The following FGGY variants were observed in gnomAD, a reference collection of about 807,000 sequenced individuals.
The protein encoded by FGGY is FGGY carbohydrate kinase domain containing.
FGGY carries 72 observed loss-of-function variants against 71.3 expected under a neutral mutation model. The ratio of observed to expected loss-of-function variants is 1.01; its 90% confidence interval spans 0.84 to 1.23. FGGY has a LOEUF of 1.23. Among genes scored for constraint, FGGY ranks in the 50% most tolerant of loss-of-function variants. The pLI, the probability that FGGY is intolerant of heterozygous loss-of-function variation, is 0.00. For missense variants in FGGY, 668 were observed against 682.3 expected, an observed-to-expected ratio of 0.98 and a Z score of 0.23; for synonymous variants, 251 against 250.3, an observed-to-expected ratio of 1.00 and a Z score of -0.02.
intron 7 of FGGY, among the ~76,000 whole-genome samples, chr1:59,516,027 AT>A (rs1469700329): frequency 6.6e-6 from 1 of 152,222 alleles, no homozygotes; most frequent in East Asian, 1.9e-4. Flanking sequence ...GTGATAGTCC[AT>A]GATGACGGGT....
At chr1:59,494,256 G>A (rs147361740) in intron 6 of FGGY, among the ~76,000 whole-genome samples, 24 of 152,300 alleles carry the variant, frequency 1.6e-4, no homozygotes, top group African/African-American at 5.5e-4. Flanking sequence ...TGTTATGATG[G>A]AAATAAAGTG....
chr1:59,568,996 A>G (rs190979687), intron 8 of FGGY, among the ~76,000 whole-genome samples: 182 of 152,332 alleles, frequency 1.2e-3, no homozygotes, highest in African/African-American at 4.2e-3. Flanking sequence ...TACTCAGAAA[A>G]AAAAAGGCTG....
At chr1:59,671,745 G>A (rs1440791928) in intron 13 of FGGY, among the ~76,000 whole-genome samples, 10 of 152,296 alleles carry the variant, frequency 6.6e-5, no homozygotes, top group South Asian at 6.2e-4. Context: ...AACTCTATGA[G>A]ATAGGCGGAA....
chr1:59,487,688 G>T (rs2093695940), intron 6 of FGGY, among the ~76,000 whole-genome samples: 1 of 152,078 alleles, frequency 6.6e-6, no homozygotes, highest in African/African-American at 2.4e-5. Flanking sequence ...TGAAACTGAT[G>T]ATTATCCAGA....
chr1:59,540,939 C>T (rs1192709135), intron 7 of FGGY, among the ~76,000 whole-genome samples: 3 of 152,132 alleles, frequency 2.0e-5, no homozygotes, highest in East Asian at 1.9e-4. Flanking sequence ...TCTACTCCCA[C>T]CTTGCTATAC....
At chr1:59,398,779 G>A (rs989285813) in intron 5 of FGGY, among the ~76,000 whole-genome samples, 1 of 152,126 alleles carries the variant, frequency 6.6e-6, no homozygotes, top group East Asian at 1.9e-4. Flanking sequence ...TGATTAAATT[G>A]TAAAATTCCT....
intron 2 of FGGY, among the ~76,000 whole-genome samples, chr1:59,338,670 T>A (rs2050075875): frequency 6.6e-6 from 1 of 152,128 alleles, no homozygotes. Context: ...CCTCTCTACC[T>A]CTTTTTAAAA....
chr1:59,612,277 A>G (rs2096692819), intron 9 of FGGY, among the ~76,000 whole-genome samples: 1 of 152,266 alleles, frequency 6.6e-6, no homozygotes, highest in Non-Finnish European at 1.5e-5. Flanking sequence ...AAGGAAGCCC[A>G]TCAGACTAAC....
At chr1:59,302,157 T>C (rs2042857438) in intron 1 of FGGY, among the ~76,000 whole-genome samples, 1 of 152,214 alleles carries the variant, frequency 6.6e-6, no homozygotes, top group Admixed American at 6.5e-5. Flanking sequence ...TATTATCCTT[T>C]TTTTATATTG....
At chr1:59,707,674 A>G (rs959071022) in intron 14 of FGGY, among the ~76,000 whole-genome samples, 1 of 152,224 alleles carries the variant, frequency 6.6e-6, no homozygotes, top group African/African-American at 2.4e-5. Flanking sequence ...AACACCATGC[A>G]TGAAAATGGC....
In FGGY at chr1:59,363,331, T is replaced by C. The variant is rs539964021; in HGVS notation, c.466-15418T>C. Among the ~76,000 whole-genome samples, 61 of 152,332 alleles carry C rather than the reference T, an allele frequency of 4.0e-4. 3 individuals are homozygous for C. The South Asian group carries it at 0.013, about 32-fold the overall frequency. On this transcript the variant is annotated intron_variant, in intron 4 of 15. Coordinates refer to ENST00000303721, the MANE Select transcript of FGGY (RefSeq NM_018291.5). ...CTACTCTTTCCTGAAGAGGGAAGGA[T>C]GTAGTGAAAGTGACATTCTAAGTAA...
At chr1:59,662,891 T>C (rs1449300658) in intron 12 of FGGY, among the ~76,000 whole-genome samples, 1 of 152,206 alleles carries the variant, frequency 6.6e-6, no homozygotes, top group African/African-American at 2.4e-5. Context: ...TTTGACTGTA[T>C]TGAGGAACTT....
At chr1:59,721,794 A>C (rs943136795) in intron 14 of FGGY, among the ~76,000 whole-genome samples, 2 of 152,196 alleles carry the variant, frequency 1.3e-5, no homozygotes, top group East Asian at 3.8e-4. Flanking sequence ...TGTATTTTTA[A>C]ACAGAGTGAA....
chr1:59,706,115 A>G (rs966017454), intron 14 of FGGY, among the ~76,000 whole-genome samples: 7 of 152,170 alleles, frequency 4.6e-5, no homozygotes, highest in African/African-American at 1.7e-4. Flanking sequence ...TTCTTCAAGC[A>G]TTGTGGATCG....
chr1:59,395,557 G>A (rs1042968546), intron 5 of FGGY, among the ~76,000 whole-genome samples: 2 of 152,094 alleles, frequency 1.3e-5, no homozygotes, highest in African/African-American at 4.8e-5. Flanking sequence ...CTATCCCCAA[G>A]TCCTAATACA....
At chr1:59,513,290 T>G (rs1251552398) in intron 7 of FGGY, among the ~76,000 whole-genome samples, 1 of 152,232 alleles carries the variant, frequency 6.6e-6, no homozygotes, top group Non-Finnish European at 1.5e-5. Context: ...TAGAACAAAG[T>G]GGAAAACATC....
chr1:59,462,714 T>C (rs1270540682), intron 6 of FGGY, among the ~76,000 whole-genome samples: 1 of 152,168 alleles, frequency 6.6e-6, no homozygotes, highest in Non-Finnish European at 1.5e-5. Flanking sequence ...AAAATGCTCA[T>C]CATCACTTGC....
At chr1:59,359,799 G>A (rs1002830526) in intron 4 of FGGY, among the ~76,000 whole-genome samples, 2 of 152,158 alleles carry the variant, frequency 1.3e-5, no homozygotes, top group African/African-American at 4.8e-5. Context: ...CTCTTGAAAA[G>A]CTACATCAGT....
intron 8 of FGGY, among the ~76,000 whole-genome samples, chr1:59,595,361 G>T (rs1268035559): frequency 6.6e-6 from 1 of 152,028 alleles, no homozygotes. Context: ...ATTGGCACAG[G>T]TTGCTTTATG....
Sources: allele counts gnomAD v4.1 joint callset (sites outside exome capture counted in the v4.1 genomes callset), GRCh38; gene constraint gnomAD v4.1.1; transcripts MANE v1.5; gene names NCBI Gene and HGNC (gene_info 2026-07-23, HGNC 2026-07-21).